Variants in PKHD1L1 observed in about 807,000 individuals in gnomAD.
PKHD1L1 encodes the protein PKHD1 like 1, also known as fibrocystin-L.
In PKHD1L1, 434 loss-of-function variants were observed where a neutral mutation model predicts 462.9. The observed-to-expected ratio is 0.94, with a 90% CI of 0.87 to 1.02. PKHD1L1 has a LOEUF of 1.02. Among genes scored for constraint, PKHD1L1 ranks in the 50% least tolerant of loss-of-function variants. The probability of loss-of-function intolerance (pLI) is 0.00; values close to 1 mark genes in which losing one functional copy is unlikely to be tolerated. For missense variants in PKHD1L1, 5,202 were observed against 5,096.1 expected (o/e 1.02, Z -0.63); for synonymous variants, 1,781 against 1,750.0 (o/e 1.02, Z -0.44).
intron 71 of PKHD1L1, among the ~76,000 whole-genome samples, chr8:109,513,673 C>T (rs1046234414): frequency 1.3e-5 from 2 of 151,994 alleles, no homozygotes; most frequent in African/African-American, 4.8e-5. Context: ...GGCACCAGCC[C>T]CTTCCCAGGA....
intron 53 of PKHD1L1, among the ~76,000 whole-genome samples, chr8:109,478,850 A>G (rs1818129110): frequency 6.6e-6 from 1 of 152,172 alleles, no homozygotes. Context: ...CACTGGAAAT[A>G]GTTATAATTG....
chr8:109,382,347 C>T (rs1363235078), intron 3 of PKHD1L1, 116 bp from the exon 4 acceptor site: 10 of 730,808 alleles, frequency 1.4e-5, no homozygotes, highest in South Asian at 8.0e-5. Flanking sequence ...TCAGTTACGA[C>T]GTTGGACACT....
At chr8:109,473,190 A>G (rs1334134344) in intron 50 of PKHD1L1, among the ~76,000 whole-genome samples, 1 of 152,206 alleles carries the variant, frequency 6.6e-6, no homozygotes, top group Non-Finnish European at 1.5e-5. Context: ...AAGAAATGTC[A>G]GGTTAAATGC....
intron 40 of PKHD1L1, among the ~76,000 whole-genome samples, 189 bp from the exon 41 acceptor site, chr8:109,450,786 T>C (rs1021118266): frequency 2.0e-5 from 3 of 152,212 alleles, no homozygotes; most frequent in Non-Finnish European, 2.9e-5. Flanking sequence ...CTGTCGATAA[T>C]GGGCATGAAC....
chr8:109,445,607 A>G lies in PKHD1L1; in HGVS notation c.5738A>G (p.Glu1913Gly), dbSNP rs757306670. 1 of 1,609,778 alleles carries G rather than the reference A, an allele frequency of 6.2e-7. No homozygotes were observed. Among genetic ancestry groups the G allele is most frequent in the African/African-American group, 1.3e-5 (1 of 74,848 alleles). Residue 1913 changes from glutamate (E) to glycine (G), a missense_variant, in exon 38 of 78, where the codon GAG becomes GGG. Physicochemically the swap from Glu to Gly is moderately conservative, Grantham distance 98. This residue lies in a region of PKHD1L1 where 4,497 missense variants were observed against 4,336.8 expected (regional missense o/e 1.04). Transcript: ENST00000378402. ...YPPLLFTYAL[E>G]DTPFLRGIIP... ...CCTTTGCTTTTTACATATGCCCTGG[A>G]GGATACTCCATTTCTCAGAGGAATT...
At chr8:109,388,624 C>A (rs1451328095) in intron 7 of PKHD1L1, 74 bp downstream of exon 7, 2 of 955,304 alleles carry the variant, frequency 2.1e-6, no homozygotes, top group African/African-American at 1.7e-5. Context: ...ATAGTAATTG[C>A]TACCAATACT....
At chr8:109,445,917 G>A (rs561024573) in intron 38 of PKHD1L1, among the ~76,000 whole-genome samples, 1 of 152,112 alleles carries the variant, frequency 6.6e-6, no homozygotes, top group Non-Finnish European at 1.5e-5. Context: ...GAAAAAATAA[G>A]TGAAGATAGA....
chr8:109,430,055 A>G lies in PKHD1L1; in HGVS notation c.3229+18A>G. The G allele has an allele frequency of 2.0e-6, 3 of 1,508,394 alleles. No individual in the cohort carries two copies. Among genetic ancestry groups the G allele is most frequent in the Non-Finnish European group, 2.7e-6 (3 of 1,092,830 alleles). 93.4% of individuals were successfully genotyped at this position (1,508,394 alleles called of 1,614,324 possible). On this transcript the variant is annotated intron_variant, in intron 27 of 77. Coordinates refer to ENST00000378402, the MANE Select transcript of PKHD1L1 (RefSeq NM_177531.6). ...TTCTCAAGGTAACTTCCTGATTTTT[A>G]ACCTATACTGGGTGTGAAAGATAAT...
At chr8:109,497,389 C>T (rs949211157) in intron 65 of PKHD1L1, 117 bp downstream of exon 65, 22 of 1,246,704 alleles carry the variant, frequency 1.8e-5, no homozygotes, top group African/African-American at 7.6e-5. Context: ...GCCCACACCT[C>T]CCTGCCTTTG....
chr8:109,367,930 A>G (rs1224871463), intron 2 of PKHD1L1, among the ~76,000 whole-genome samples: 1 of 152,150 alleles, frequency 6.6e-6, no homozygotes. Context: ...TCACAAGACT[A>G]TGCTTCAGGA....
At chr8:109,427,481 A>C (rs1393235634) in intron 25 of PKHD1L1, among the ~76,000 whole-genome samples, 2 of 152,068 alleles carry the variant, frequency 1.3e-5, no homozygotes, top group Non-Finnish European at 2.9e-5. Flanking sequence ...CTAAATCCAG[A>C]TGTATGCTAA....
At chr8:109,429,200 A>G in intron 25 of PKHD1L1, 140 bp from the exon 26 acceptor site, 2 of 743,622 alleles carry the variant, frequency 2.7e-6, no homozygotes, top group Non-Finnish European at 4.0e-6. Context: ...ATTTAAAAAA[A>G]GTGACTACAA....
rs1228430357 is a variant in PKHD1L1, at chr8:109,485,015, C to T, written c.9577-29C>T. On this transcript the variant is annotated intron_variant, in intron 57 of 77. Transcript: ENST00000378402. The stretch of plus-strand genomic sequence containing the variant: ...ATATAAATCTATTTTTAAAATTGTT[C>T]TTAAATTTGGCACTTGAATTTTTCT... 2.6e-6 allele frequency: 4 copies of T among 1,537,238 alleles called. No individual in the cohort carries two copies. In the East Asian group the frequency reaches 9.2e-5, roughly 36 times the overall value.
At chr8:109,486,522 T>C in intron 58 of PKHD1L1, 126 bp from the exon 59 acceptor site, 1 of 713,514 alleles carries the variant, frequency 1.4e-6, no homozygotes, top group Non-Finnish European at 2.2e-6. Context: ...AACATGTAAA[T>C]GTAATCATGC....
chr8:109,437,429 G>A (rs974660661), intron 30 of PKHD1L1, among the ~76,000 whole-genome samples: 8 of 151,564 alleles, frequency 5.3e-5, no homozygotes, highest in African/African-American at 1.5e-4. Context: ...TGCCATGTTG[G>A]TGTGCTGCAC....
At position 109,405,063 on chromosome 8, in the gene PKHD1L1, C is replaced by T; in HGVS notation, c.1602C>T (p.Ser534=). 1 of 1,528,898 alleles carries T rather than the reference C, an allele frequency of 6.5e-7. No homozygotes were observed. The highest frequency in any genetic ancestry group is 8.9e-7 in the Non-Finnish European group (1 of 1,126,142). 94.7% of individuals were successfully genotyped at this position (1,528,898 alleles called of 1,614,324 possible). The change falls in exon 16 of 78, where the codon AGC becomes AGT. Residue 534 remains serine, a synonymous_variant. Transcript: ENST00000378402. ...INEVQKIKVT[S]PCVEANSCSL... Reference sequence around the variant, plus strand: ...AGGTTCAGAAGATCAAGGTAACCAGCCCATGTGTGGAAGCTAATTCATGTT... The same window carrying T: ...AGGTTCAGAAGATCAAGGTAACCAGTCCATGTGTGGAAGCTAATTCATGTT...
intron 17 of PKHD1L1, among the ~76,000 whole-genome samples, chr8:109,407,777 T>C (rs1813635878): frequency 6.6e-6 from 1 of 152,206 alleles, no homozygotes; most frequent in Non-Finnish European, 1.5e-5. Flanking sequence ...AATACATCTG[T>C]CTATCTTACA....
intron 37 of PKHD1L1, among the ~76,000 whole-genome samples, chr8:109,444,115 TC>T (rs112180968): frequency 4.0e-4 from 51 of 126,890 alleles, no homozygotes; most frequent in African/African-American, 1.2e-3. Context: ...TTTCATTACC[TC>T]CCCCCCCCAA....
intron 51 of PKHD1L1, among the ~76,000 whole-genome samples, chr8:109,475,682 CAA>C (rs57539802): frequency 5.9e-5 from 8 of 134,570 alleles, no homozygotes; most frequent in African/African-American, 8.0e-5. Context: ...ATTAAAAATA[CAA>C]AAAAAAAAAA....
Sources: gnomAD v4.1 joint callset for allele counts (sites outside exome capture counted in the v4.1 genomes callset) on GRCh38, gnomAD v4.1.1 for gene constraint, gnomAD v4.1.1 regional missense constraint, MANE v1.5 for transcripts, NCBI Gene and HGNC (gene_info 2026-07-23, HGNC 2026-07-21) for gene names.